Variants in IQSEC1 observed in about 807,000 individuals in gnomAD.
The protein encoded by IQSEC1 is IQ motif and SEC7 domain-containing protein 1.
In IQSEC1, 31 loss-of-function variants were observed where a neutral mutation model predicts 91.0. That is an observed-to-expected ratio of 0.34 (90% CI 0.26 to 0.46). IQSEC1 has a LOEUF of 0.46. Among genes scored for constraint, IQSEC1 ranks in the 20% least tolerant of loss-of-function variants. IQSEC1 has a pLI of 1.00. For synonymous variants in IQSEC1, 699 were observed against 662.6 expected (o/e 1.05, Z -0.84); for missense variants, 1,388 against 1,575.6 (o/e 0.88, Z 2.02).
At position 12,936,783 on chromosome 3, in the gene IQSEC1, G is replaced by A. The variant is rs1163683359; in HGVS notation, c.319-86C>T. The stretch of plus-strand genomic sequence containing the variant: ...AAACTCCTTCCCACTTCCTAGCCAC[G>A]TGGCTGTGCGACCTGGGAAGGTCCC... On this transcript the variant is annotated intron_variant, in intron 2 of 13. Coordinates refer to ENST00000613206, the MANE Select transcript of IQSEC1 (RefSeq NM_001134382.3). 1.1e-5 allele frequency: 15 copies of A among 1,329,420 alleles called. No individual in the cohort carries two copies. In the South Asian group the frequency reaches 1.2e-4, roughly 11 times the overall value. The allele number at this position is 1,329,420 out of a possible 1,614,324, so 82.4% of individuals were successfully genotyped here.
chr3:12,991,534 A>T (rs1174101915), intron 1 of IQSEC1, among the ~76,000 whole-genome samples: 4 of 151,932 alleles, frequency 2.6e-5, no homozygotes, highest in African/African-American at 9.7e-5. Context: ...CCCACTCCCC[A>T]CCTGCCTAAT....
chr3:13,058,141 C>T (rs1291806398), intron 1 of IQSEC1, among the ~76,000 whole-genome samples: 1 of 152,160 alleles, frequency 6.6e-6, no homozygotes, highest in African/African-American at 2.4e-5. Flanking sequence ...GGCGTGGTGG[C>T]AGGTGCCTGT....
intron 1 of IQSEC1, among the ~76,000 whole-genome samples, chr3:12,942,737 C>T (rs181065349): frequency 1.3e-5 from 2 of 152,352 alleles, no homozygotes; most frequent in African/African-American, 4.8e-5. Flanking sequence ...AGCCCTGGCC[C>T]CCACCTCAGC....
chr3:13,010,278 T>C (rs926893091), intron 1 of IQSEC1, among the ~76,000 whole-genome samples: 1 of 152,156 alleles, frequency 6.6e-6, no homozygotes, highest in Non-Finnish European at 1.5e-5. Flanking sequence ...CACCCCAATT[T>C]TCTTTGGGGA....
At chr3:12,946,437 C>T (rs1308716611) in intron 1 of IQSEC1, among the ~76,000 whole-genome samples, 1 of 152,240 alleles carries the variant, frequency 6.6e-6, no homozygotes, top group African/African-American at 2.4e-5. Context: ...GTCTCTGGAA[C>T]ATCCTATGAG....
chr3:12,936,880 G>T (rs1044515911), intron 2 of IQSEC1, among the ~76,000 whole-genome samples, 183 bp from the exon 3 acceptor site: 1 of 152,110 alleles, frequency 6.6e-6, no homozygotes, highest in African/African-American at 2.4e-5. Context: ...GGTCAAACTG[G>T]ACAGAGAAGC....
At chr3:12,957,010 C>T (rs966918885) in intron 1 of IQSEC1, among the ~76,000 whole-genome samples, 6 of 152,230 alleles carry the variant, frequency 3.9e-5, no homozygotes, top group African/African-American at 4.8e-5. Context: ...ACGCCCTTAA[C>T]TCCTCAAGTC....
intron 1 of IQSEC1, among the ~76,000 whole-genome samples, chr3:12,996,298 A>T (rs1702226408): frequency 6.6e-6 from 1 of 152,202 alleles, no homozygotes; most frequent in South Asian, 2.1e-4. Context: ...GCTGGTTGGA[A>T]GGCAGGTGAG....
At chr3:13,093,440 G>C (rs1705901826) in intron 2 of IQSEC1, among the ~76,000 whole-genome samples, 2 of 152,086 alleles carry the variant, frequency 1.3e-5, no homozygotes, top group South Asian at 4.1e-4. Flanking sequence ...CCATTAGGAA[G>C]CTTCCTCCAC....
chr3:13,110,351 G>A (rs1559257003), intron 2 of IQSEC1, among the ~76,000 whole-genome samples: 1 of 151,902 alleles, frequency 6.6e-6, no homozygotes, highest in East Asian at 2.0e-4. Context: ...AGCACTTTGG[G>A]AGGCCAAGGC....
chr3:12,922,303 A>C lies in IQSEC1; in HGVS notation c.1731-61T>G. ...CTTGCAGGTGCGACACGCCCAGCCC[A>C]CCCCCAGGTGGTGGTGCCTGAAGCC... On this transcript the variant is annotated intron_variant, in intron 4 of 13. Coordinates refer to ENST00000613206, the MANE Select transcript of IQSEC1 (RefSeq NM_001134382.3). The surrounding 1 kb of genome is among the most constrained non-coding windows in gnomAD (Gnocchi z 5.1). 6.9e-7 allele frequency: 1 copy of C among 1,453,364 alleles called. No individual in the cohort carries two copies. Among genetic ancestry groups the C allele is most frequent in the Non-Finnish European group, 9.2e-7 (1 of 1,089,382 alleles). The allele number at this position is 1,453,364 out of a possible 1,614,324, so 90.0% of individuals were successfully genotyped here.
chr3:12,982,557 G>A (rs1251330050), intron 1 of IQSEC1, among the ~76,000 whole-genome samples: 2 of 152,200 alleles, frequency 1.3e-5, no homozygotes, highest in Non-Finnish European at 2.9e-5. Context: ...AGAAAAAAAT[G>A]TTCTTAGCCA....
Position 13,274,171 on chromosome 3 carries a change from G to A in IQSEC1, c.272+8540C>T, listed in dbSNP as rs540850321. ...TGTTCATGGGCCCTGCAGCCCATCC[G>A]TGAATCTCATCCACAAACATGCCTG... On this transcript the variant is annotated intron_variant, in intron 1 of 15. Transcript: ENST00000648114. 2.2e-4 allele frequency among the ~76,000 whole-genome samples: 33 copies of A among 152,234 alleles called. 2 individuals carry two copies. The South Asian group carries it at 5.4e-3, about 25-fold the overall frequency.
At chr3:13,045,378 C>T (rs935637980) in intron 1 of IQSEC1, among the ~76,000 whole-genome samples, 2 of 152,194 alleles carry the variant, frequency 1.3e-5, no homozygotes, top group Non-Finnish European at 1.5e-5. Context: ...CAGGACTGCT[C>T]AACGAGGGAT....
At chr3:13,239,430 A>T (rs1189594253) in intron 1 of IQSEC1, among the ~76,000 whole-genome samples, 1 of 152,166 alleles carries the variant, frequency 6.6e-6, no homozygotes, top group Admixed American at 6.5e-5. Flanking sequence ...CCTGCTTCAC[A>T]CCCTTTTCCA....
At chr3:13,248,998 A>T (rs1695150914) in intron 1 of IQSEC1, among the ~76,000 whole-genome samples, 1 of 152,058 alleles carries the variant, frequency 6.6e-6, no homozygotes, top group Non-Finnish European at 1.5e-5. Flanking sequence ...CGTGCTCCTG[A>T]CTTCAATTCC....
At chr3:13,069,847 A>G (rs528274923) in intron 1 of IQSEC1, among the ~76,000 whole-genome samples, 2 of 152,362 alleles carry the variant, frequency 1.3e-5, no homozygotes, top group Non-Finnish European at 2.9e-5. Flanking sequence ...CAGTACAGCA[A>G]TGACCTCAGG....
rs545606048 is a variant in IQSEC1, at chr3:13,257,679, T to C, written c.272+25032A>G. On this transcript the variant is annotated intron_variant, in intron 1 of 15. Transcript: ENST00000648114. Reference sequence around the variant, plus strand: ...GGGCACTACAGCCTGTGAAATCCTCTGAACCCGGAGCCCCTTAAAGGGGTC... The same window carrying C: ...GGGCACTACAGCCTGTGAAATCCTCCGAACCCGGAGCCCCTTAAAGGGGTC... 5.2e-4 allele frequency among the ~76,000 whole-genome samples: 79 copies of C among 152,322 alleles called. 1 individual carries two copies. The highest frequency in any genetic ancestry group is 3.4e-3 in the Middle Eastern group (1 of 294).
chr3:13,082,661 A>G (rs1156926636), intron 2 of IQSEC1, among the ~76,000 whole-genome samples: 1 of 152,088 alleles, frequency 6.6e-6, no homozygotes, highest in Non-Finnish European at 1.5e-5. Context: ...TTACTGTTCT[A>G]AACCACCCCT....
Sources: gnomAD v4.1 joint callset for allele counts (sites outside exome capture counted in the v4.1 genomes callset) on GRCh38, gnomAD v4.1.1 for gene constraint, Gnocchi (gnomAD v3.1) non-coding constraint, MANE v1.5 for transcripts, NCBI Gene and HGNC (gene_info 2026-07-23, HGNC 2026-07-21) for gene names.